Variants in PTPRT observed in about 807,000 individuals in gnomAD.
PTPRT encodes the protein protein tyrosine phosphatase receptor type T, also known as receptor-type tyrosine-protein phosphatase T.
A neutral mutation model predicts 176.8 loss-of-function variants in PTPRT; 56 were observed. That is an observed-to-expected ratio of 0.32 (90% CI 0.26 to 0.40). The LOEUF is 0.40. PTPRT is among the 10% of genes least tolerant of loss of function. The pLI, the probability that PTPRT is intolerant of heterozygous loss-of-function variation, is 1.00. For missense variants in PTPRT, 1,540 were observed against 1,908.2 expected (o/e 0.81, Z 3.60); for synonymous variants, 783 against 739.0 (o/e 1.06, Z -0.96).
At chr20:42,216,573 T>C (rs1378918651) in intron 15 of PTPRT, among the ~76,000 whole-genome samples, 1 of 152,238 alleles carries the variant, frequency 6.6e-6, no homozygotes. Context: ...GTACAAAATA[T>C]ACATATTTGC....
rs143048878 is a variant in PTPRT, at chr20:42,737,770, T to C, written c.859+18692A>G. 2.1e-3 allele frequency among the ~76,000 whole-genome samples: 316 copies of C among 152,274 alleles called. 3 individuals are homozygous for C. The highest frequency in any genetic ancestry group is 7.0e-3 in the African/African-American group (291 of 41,538). On this transcript the variant is annotated intron_variant, in intron 6 of 30. Coordinates refer to ENST00000373187, the MANE Select transcript of PTPRT (RefSeq NM_007050.6). ...TTGTCTAAAGCCACCCAGTGTATAG[T>C]AGTTCATTATGGCAGCCCTGGCAAA...
the PTPRT span, among the ~76,000 whole-genome samples, chr20:42,053,941 G>A: frequency 2.0e-5 from 3 of 152,138 alleles, no homozygotes; most frequent in Non-Finnish European, 4.4e-5. Flanking sequence ...AGATTTGGGG[G>A]TCAGTTTGGG....
At chr20:42,314,507 C>G (rs1397221520) in intron 12 of PTPRT, among the ~76,000 whole-genome samples, 35 of 119,490 alleles carry the variant, frequency 2.9e-4, no homozygotes, top group Non-Finnish European at 5.6e-4. Context: ...CCAGCCTGGG[C>G]AACAGAGTGA....
chr20:42,186,385 T>A (rs72626510), intron 16 of PTPRT, among the ~76,000 whole-genome samples: 1 of 67,430 alleles, frequency 1.5e-5, no homozygotes, highest in Non-Finnish European at 3.7e-5. Flanking sequence ...TTCTACCACA[T>A]TCCTTCTACC....
intron 1 of PTPRT, among the ~76,000 whole-genome samples, chr20:43,000,568 T>C (rs181077409): frequency 6.6e-6 from 1 of 152,272 alleles, no homozygotes; most frequent in Admixed American, 6.5e-5. Context: ...GGAAAAAAGT[T>C]AAATCATAAG....
chr20:42,979,501 T>G (rs905867318), intron 1 of PTPRT, among the ~76,000 whole-genome samples: 1 of 152,176 alleles, frequency 6.6e-6, no homozygotes, highest in Non-Finnish European at 1.5e-5. Context: ...ACTTTGTTCT[T>G]TCTACTGCAC....
intron 27 of PTPRT, among the ~76,000 whole-genome samples, chr20:42,091,108 T>C (rs551642062): frequency 5.3e-5 from 8 of 152,244 alleles, no homozygotes; most frequent in South Asian, 4.1e-4. Flanking sequence ...TCATGCTTCT[T>C]CCAAAAAAAC....
At position 42,080,837 on chromosome 20, in the gene PTPRT, A is replaced by C. The variant is rs779702451; in HGVS notation, c.*42T>G. The C allele has an allele frequency of 3.2e-6, 5 of 1,577,322 alleles. No homozygotes were observed. The South Asian group carries it at 4.4e-5, about 14-fold the overall frequency. On this transcript the variant is annotated 3_prime_UTR_variant, in exon 31 of 31. Coordinates refer to ENST00000373187, the MANE Select transcript of PTPRT (RefSeq NM_007050.6). ...CATTCACACAAAAGGGGGCTTGGTC[A>C]CAGCAGCCTCTGGACTCCGGCAGGT...
intron 1 of PTPRT, among the ~76,000 whole-genome samples, chr20:42,887,454 T>C (rs2079121449): frequency 6.6e-6 from 1 of 152,228 alleles, no homozygotes; most frequent in African/African-American, 2.4e-5. Flanking sequence ...ATTTCTGTTG[T>C]TTATAAGCCA....
At chr20:42,657,152 C>T (rs1042126508) in intron 7 of PTPRT, among the ~76,000 whole-genome samples, 1 of 152,106 alleles carries the variant, frequency 6.6e-6, no homozygotes, top group Non-Finnish European at 1.5e-5. Context: ...CTTCCTGCCA[C>T]CATGTGAAAA....
At chr20:42,701,779 T>A (rs2425535) in intron 6 of PTPRT, among the ~76,000 whole-genome samples, 3,490 of 152,118 alleles carry the variant, frequency 0.023, 158 homozygotes, top group African/African-American at 0.08. Flanking sequence ...TCACGAGCTC[T>A]GCTGTCATCG....
At chr20:42,378,749 A>T (rs1230645794) in intron 9 of PTPRT, among the ~76,000 whole-genome samples, 1 of 152,198 alleles carries the variant, frequency 6.6e-6, no homozygotes, top group East Asian at 1.9e-4. Flanking sequence ...TATGACCTGC[A>T]AATTATTTAA....
chr20:42,667,931 A>G (rs962045964), intron 7 of PTPRT, among the ~76,000 whole-genome samples: 8 of 152,168 alleles, frequency 5.3e-5, no homozygotes, highest in Admixed American at 3.9e-4. Flanking sequence ...CGGAGGTCTC[A>G]CTAGTGCCAT....
chr20:43,085,068 G>A (rs1370013978), intron 1 of PTPRT, among the ~76,000 whole-genome samples: 3 of 152,108 alleles, frequency 2.0e-5, no homozygotes, highest in Admixed American at 2.0e-4. Flanking sequence ...ATACATTGTT[G>A]AATTACTGAA....
In PTPRT at chr20:42,458,819, G is replaced by A. The variant is rs189331170; in HGVS notation, c.1451-10490C>T. On this transcript the variant is annotated intron_variant, in intron 8 of 30. Transcript: ENST00000373187. ...TTCTCTGAGGACTCAGAATTCATTC[G>A]TTCAATAATGTATTTATTGTGTCCT... Among the ~76,000 whole-genome samples, 19 of 152,146 alleles carry A rather than the reference G, an allele frequency of 1.2e-4. No homozygotes were observed. The East Asian group carries it at 1.9e-3, about 15-fold the overall frequency.
In PTPRT at chr20:42,774,367, G is replaced by A. The variant is rs950247139; in HGVS notation, c.569-2817C>T. 2.6e-5 allele frequency among the ~76,000 whole-genome samples: 4 copies of A among 152,294 alleles called. No homozygotes were observed. The East Asian group carries it at 7.7e-4, about 29-fold the overall frequency. ...AATAAGGAGTGGTGAGGACTGGAGG[G>A]AACTGGAGAGAGACTCTGAAAGGGG... is the stretch of plus-strand genomic sequence containing the variant. On this transcript the variant is annotated intron_variant, in intron 4 of 30. Transcript: ENST00000373187.
chr20:42,617,788 C>T (rs577547576), intron 7 of PTPRT, among the ~76,000 whole-genome samples: 1 of 138,272 alleles, frequency 7.2e-6, no homozygotes, highest in Admixed American at 6.9e-5. Context: ...TGGTGATATC[C>T]CCTTTATCAT....
At chr20:42,432,705 C>T (rs112080810) in intron 9 of PTPRT, among the ~76,000 whole-genome samples, 60 of 152,316 alleles carry the variant, frequency 3.9e-4, no homozygotes, top group African/African-American at 1.3e-3. Context: ...GAAAACATTC[C>T]TTTCTGCTGA....
intron 7 of PTPRT, among the ~76,000 whole-genome samples, chr20:42,496,645 T>A (rs1027169093): frequency 6.6e-6 from 1 of 152,014 alleles, no homozygotes; most frequent in African/African-American, 2.4e-5. Flanking sequence ...ACCACCTTTT[T>A]TTTTTTTTTG....
Sources: gnomAD v4.1 joint callset for allele counts (sites outside exome capture counted in the v4.1 genomes callset) on GRCh38, gnomAD v4.1.1 for gene constraint, MANE v1.5 for transcripts, NCBI Gene and HGNC (gene_info 2026-07-23, HGNC 2026-07-21) for gene names.